The following FLVCR2 variants were observed in gnomAD, a reference collection of about 807,000 sequenced individuals.
FLVCR2 encodes the protein choline/ethanolamine transporter FLVCR2.
In FLVCR2, 38 loss-of-function variants were observed where a neutral mutation model predicts 48.9. The ratio of observed to expected loss-of-function variants is 0.78; its 90% CI spans 0.60 to 1.02. The LOEUF (loss-of-function observed/expected upper bound fraction) is 1.02. Ranked by LOEUF, FLVCR2 falls within the 50% of genes least tolerant of loss-of-function variation. FLVCR2 has a pLI of 0.00. For missense variants in FLVCR2, 664 were observed against 663.3 expected (o/e 1.00, Z -0.01); for synonymous variants, 255 against 257.0 (o/e 0.99, Z 0.07).
chr14:75,600,516 A>G (rs1402568226), intron 1 of FLVCR2, among the ~76,000 whole-genome samples: 2 of 152,200 alleles, frequency 1.3e-5, no homozygotes, highest in Admixed American at 1.3e-4. Flanking sequence ...AGAAACCTCT[A>G]CTGAGATCTG....
intron 1 of FLVCR2, among the ~76,000 whole-genome samples, chr14:75,620,578 T>C (rs1889738370): frequency 6.6e-6 from 1 of 152,254 alleles, no homozygotes; most frequent in South Asian, 2.1e-4. Flanking sequence ...ATTTTTGTTT[T>C]AACATTTTTC....
intron 1 of FLVCR2, among the ~76,000 whole-genome samples, chr14:75,619,477 T>TCATCCATCCATCCATC (rs34627368): frequency 3.5e-4 from 53 of 150,798 alleles, no homozygotes; most frequent in Non-Finnish European, 6.6e-4. Context: ...GTTCATCTGC[T>TCATCCATCCATCCATC]CATCCATCCA....
chr14:75,623,516 T>C (rs1166688485), intron 2 of FLVCR2, among the ~76,000 whole-genome samples: 2 of 152,198 alleles, frequency 1.3e-5, no homozygotes, highest in Admixed American at 6.6e-5. Context: ...TCCTGCCTAC[T>C]GACCCCACCT....
intron 1 of FLVCR2, among the ~76,000 whole-genome samples, chr14:75,594,969 C>T (rs1888982388): frequency 6.6e-6 from 1 of 152,122 alleles, no homozygotes; most frequent in Admixed American, 6.5e-5. Flanking sequence ...CCTCCCGCCT[C>T]AGCCTCCCAA....
intron 6 of FLVCR2, among the ~76,000 whole-genome samples, chr14:75,639,919 G>A (rs1443379346): frequency 6.6e-6 from 1 of 152,158 alleles, no homozygotes; most frequent in Non-Finnish European, 1.5e-5. Flanking sequence ...GACAGATTGA[G>A]AAAGATAATA....
intron 9 of FLVCR2, among the ~76,000 whole-genome samples, chr14:75,643,806 C>T (rs1381428904): frequency 5.3e-5 from 8 of 152,112 alleles, no homozygotes; most frequent in Admixed American, 2.0e-4. Flanking sequence ...ACTGGCCGGG[C>T]GCGATGGCTC....
At chr14:75,627,673 A>G (rs1889939107) in intron 3 of FLVCR2, among the ~76,000 whole-genome samples, 1 of 152,220 alleles carries the variant, frequency 6.6e-6, no homozygotes, top group South Asian at 2.1e-4. Context: ...CCTGACTTGG[A>G]GTTTGCTAAT....
intron 8 of FLVCR2, 125 bp from the exon 9 acceptor site, chr14:75,641,718 G>A: frequency 1.1e-6 from 1 of 885,100 alleles, no homozygotes. Flanking sequence ...TCAGTCACCA[G>A]CTCTCTTGAC....
chr14:75,582,247 C>T (rs762823357), intron 1 of FLVCR2, among the ~76,000 whole-genome samples: 8 of 152,190 alleles, frequency 5.3e-5, no homozygotes, highest in African/African-American at 1.9e-4. Context: ...GATGGAGGAC[C>T]CTTGCATAGT....
At chr14:75,640,895 T>C (rs1235216479) in intron 6 of FLVCR2, 60 bp from the exon 7 acceptor site, 2 of 1,195,546 alleles carry the variant, frequency 1.7e-6, no homozygotes, top group Non-Finnish European at 2.5e-6. Context: ...GGAGGTGGGC[T>C]CCCCATCCTT....
chr14:75,589,845 G>T (rs1888839671), intron 1 of FLVCR2, among the ~76,000 whole-genome samples: 1 of 152,206 alleles, frequency 6.6e-6, no homozygotes, highest in South Asian at 2.1e-4. Context: ...GACCACTTGA[G>T]CCATGGCTGG....
chr14:75,646,292 C>T (rs1047987154), intron 9 of FLVCR2, 109 bp from the exon 10 acceptor site: 4 of 756,858 alleles, frequency 5.3e-6, no homozygotes, highest in Non-Finnish European at 9.5e-6. Context: ...GCTGAGTGGC[C>T]CCCGGCTCTT....
intron 1 of FLVCR2, among the ~76,000 whole-genome samples, chr14:75,594,511 G>T (rs1028853058): frequency 6.6e-6 from 1 of 152,164 alleles, no homozygotes; most frequent in Non-Finnish European, 1.5e-5. Context: ...TGGGTAATTC[G>T]CATTGAACAG....
intron 9 of FLVCR2, among the ~76,000 whole-genome samples, chr14:75,642,474 G>A (rs2140055750): frequency 6.6e-6 from 1 of 152,246 alleles, no homozygotes; most frequent in South Asian, 2.1e-4. Context: ...ACAGAAAAGT[G>A]TTTTCCATCT....
At chr14:75,629,696 A>T (rs1054463296) in intron 3 of FLVCR2, among the ~76,000 whole-genome samples, 1 of 152,268 alleles carries the variant, frequency 6.6e-6, no homozygotes, top group Admixed American at 6.5e-5. Flanking sequence ...TCAATGGCAT[A>T]ACAACTGCCC....
intron 1 of FLVCR2, among the ~76,000 whole-genome samples, chr14:75,585,136 G>A (rs1409745039): frequency 6.6e-6 from 1 of 152,148 alleles, no homozygotes; most frequent in Non-Finnish European, 1.5e-5. Flanking sequence ...TGTAGAAAAG[G>A]AGAATTCAAA....
chr14:75,580,539 G>T (rs1431617205), intron 1 of FLVCR2, among the ~76,000 whole-genome samples: 2 of 152,252 alleles, frequency 1.3e-5, no homozygotes, highest in Non-Finnish European at 2.9e-5. Context: ...AACAGGCTTT[G>T]TGTGAGCAAC....
At chr14:75,590,637 A>G (rs1476139842) in intron 1 of FLVCR2, among the ~76,000 whole-genome samples, 1 of 152,184 alleles carries the variant, frequency 6.6e-6, no homozygotes, top group Non-Finnish European at 1.5e-5. Flanking sequence ...TTCTCATGAC[A>G]GTCAGTTCTT....
rs147674354 is a variant in FLVCR2 at position 75,598,500 on chromosome 14, CAG to C, written c.669+18862_669+18863del. On this transcript the variant is annotated intron_variant, in intron 1 of 9. Coordinates refer to ENST00000238667, the MANE Select transcript of FLVCR2 (RefSeq NM_017791.3). The stretch of plus-strand genomic sequence containing the variant: ...TTTTTCTTTTTTCCGTTTTTAGAGA[CAG>C]AGTCTTGCTCTGTTGCTCAGGCTGG... 2.8e-3 allele frequency among the ~76,000 whole-genome samples: 420 copies of C among 152,234 alleles called. 6 individuals carry two copies. The highest frequency in any genetic ancestry group is 9.5e-3 in the African/African-American group (396 of 41,528).
Sources: allele counts gnomAD v4.1 joint callset (sites outside exome capture counted in the v4.1 genomes callset), GRCh38; gene constraint gnomAD v4.1.1; transcripts MANE v1.5; gene names NCBI Gene and HGNC (gene_info 2026-07-23, HGNC 2026-07-21).